Variants in SPAG16 observed in about 807,000 individuals in gnomAD.
SPAG16 encodes the protein sperm-associated antigen 16 protein.
Under a neutral mutation model 80.4 loss-of-function variants are expected in SPAG16, and 86 were observed. That is an observed-to-expected ratio of 1.07 (90% CI 0.90 to 1.28). SPAG16 has a LOEUF of 1.28. Ranked by LOEUF, SPAG16 falls within the 50% of genes most tolerant of loss-of-function variation. The probability of loss-of-function intolerance (pLI) is 0.00; values close to 1 mark genes in which losing one functional copy is unlikely to be tolerated. For missense variants in SPAG16, 870 were observed against 765.3 expected (o/e 1.14, Z -1.61); for synonymous variants, 294 against 265.9 (o/e 1.11, Z -1.03).
chr2:213,901,607 C>G lies in SPAG16; in HGVS notation c.1215-28353C>G, dbSNP rs562955273. On this transcript the variant is annotated intron_variant, in intron 11 of 15. Transcript: ENST00000331683. ...TGCCTTCTAATTCTCAATATTTAGT[C>G]CAAAGAAAACATGTAAACTTGTACA... Among the ~76,000 whole-genome samples, 6 of 151,924 alleles carry G rather than the reference C, an allele frequency of 3.9e-5. 1 individual carries two copies. In the South Asian group the frequency reaches 1.2e-3, roughly 32 times the overall value.
chr2:214,402,228 G>A (rs1342776022), intron 15 of SPAG16, among the ~76,000 whole-genome samples: 13 of 151,784 alleles, frequency 8.6e-5, no homozygotes, highest in Admixed American at 8.5e-4. Flanking sequence ...ACATCATTTG[G>A]CCAGTTAATA....
At chr2:214,069,659 A>G (rs538530074) in intron 13 of SPAG16, among the ~76,000 whole-genome samples, 4 of 152,254 alleles carry the variant, frequency 2.6e-5, no homozygotes, top group African/African-American at 9.6e-5. Context: ...GAGGAACATG[A>G]TAAATGAGGT....
chr2:214,167,896 T>A (rs2056722361), intron 15 of SPAG16, among the ~76,000 whole-genome samples: 1 of 151,654 alleles, frequency 6.6e-6, no homozygotes, highest in African/African-American at 2.4e-5. Flanking sequence ...GTTTTGAATC[T>A]AGATTCTACC....
intron 10 of SPAG16, among the ~76,000 whole-genome samples, chr2:213,757,180 TC>T (rs1299675525): frequency 2.0e-5 from 3 of 152,154 alleles, no homozygotes; most frequent in Admixed American, 2.0e-4. Context: ...AAAGACTTGT[TC>T]TCTGAAAACT....
intron 12 of SPAG16, among the ~76,000 whole-genome samples, chr2:213,998,324 T>TG (rs1200679690): frequency 6.6e-6 from 1 of 152,174 alleles, no homozygotes; most frequent in African/African-American, 2.4e-5. Flanking sequence ...ATTTGAATCA[T>TG]GGGGGTGGTT....
At chr2:213,630,373 G>T (rs2062104371) in intron 10 of SPAG16, among the ~76,000 whole-genome samples, 1 of 146,982 alleles carries the variant, frequency 6.8e-6, no homozygotes, top group African/African-American at 2.5e-5. Flanking sequence ...GACAGAGCAA[G>T]ACTCCATCTC....
intron 10 of SPAG16, among the ~76,000 whole-genome samples, chr2:213,585,906 T>G (rs2060455628): frequency 6.6e-6 from 1 of 152,222 alleles, no homozygotes. Flanking sequence ...TAAAAGGGAC[T>G]GCTTTTGAAA....
chr2:214,181,242 A>T lies in SPAG16; in HGVS notation c.1720+31976A>T, dbSNP rs568931287. Among the ~76,000 whole-genome samples the T allele has an allele frequency of 4.0e-5, 6 of 151,820 alleles. No homozygotes were observed. In the East Asian group the frequency reaches 1.2e-3, roughly 29 times the overall value. On this transcript the variant is annotated intron_variant, in intron 15 of 15. Transcript: ENST00000331683. ...ATCTAACATGAGAAATGTGATTTTTATATTTTCAATTTGTGTCCCTCTCTG... is the reference window on the plus strand; with the variant it reads ...ATCTAACATGAGAAATGTGATTTTTTTATTTTCAATTTGTGTCCCTCTCTG...
chr2:214,295,931 T>C (rs557994375), intron 15 of SPAG16, among the ~76,000 whole-genome samples: 1 of 152,352 alleles, frequency 6.6e-6, no homozygotes, highest in South Asian at 2.1e-4. Context: ...AGGGGATATA[T>C]GTGCATGTTT....
chr2:214,032,403 A>T (rs2048459955), intron 13 of SPAG16, among the ~76,000 whole-genome samples: 1 of 152,354 alleles, frequency 6.6e-6, no homozygotes, highest in East Asian at 1.9e-4. Flanking sequence ...CTGTTTCCAT[A>T]ATTAATCATT....
intron 10 of SPAG16, among the ~76,000 whole-genome samples, chr2:213,812,939 T>C (rs2072270531): frequency 6.6e-6 from 1 of 152,168 alleles, no homozygotes. Flanking sequence ...GAATAGGATT[T>C]TTAAAAGATT....
intron 14 of SPAG16, among the ~76,000 whole-genome samples, chr2:214,122,115 T>G (rs2054250038): frequency 6.6e-6 from 1 of 151,778 alleles, no homozygotes. Context: ...ATAATTTAAT[T>G]TTCTATAACA....
intron 10 of SPAG16, among the ~76,000 whole-genome samples, chr2:213,848,812 C>T (rs544232470): frequency 6.6e-6 from 1 of 152,252 alleles, no homozygotes; most frequent in South Asian, 2.1e-4. Flanking sequence ...GAGTGCCAAA[C>T]CCAGACATTT....
chr2:213,391,853 G>A (rs2067771147), intron 9 of SPAG16, among the ~76,000 whole-genome samples: 1 of 152,100 alleles, frequency 6.6e-6, no homozygotes, highest in African/African-American at 2.4e-5. Flanking sequence ...TGTGAGTATA[G>A]TTTCCCTGTT....
intron 12 of SPAG16, among the ~76,000 whole-genome samples, chr2:213,968,155 C>CCTCCT (rs2106371291): frequency 9.2e-6 from 1 of 108,496 alleles, no homozygotes; most frequent in South Asian, 3.7e-4. Flanking sequence ...TCTCTTCTCT[C>CCTCCT]CTCTTCTCTT....
chr2:213,464,629 A>G (rs1411792471), intron 9 of SPAG16, among the ~76,000 whole-genome samples: 1 of 152,212 alleles, frequency 6.6e-6, no homozygotes, highest in Non-Finnish European at 1.5e-5. Flanking sequence ...GATGAAATCC[A>G]TTTGCCAGTC....
intron 10 of SPAG16, among the ~76,000 whole-genome samples, chr2:213,567,309 G>A (rs1656785359): frequency 1.5e-5 from 2 of 133,224 alleles, no homozygotes; most frequent in Non-Finnish European, 3.1e-5. Context: ...GTATACATGT[G>A]CCATGCTGGT....
intron 4 of SPAG16, among the ~76,000 whole-genome samples, chr2:213,314,317 TC>T (rs1259840707): frequency 6.6e-6 from 1 of 151,804 alleles, no homozygotes; most frequent in African/African-American, 2.4e-5. Flanking sequence ...CAATCTTTTT[TC>T]CCACCTGAAC....
intron 6 of SPAG16, among the ~76,000 whole-genome samples, chr2:213,347,378 T>A (rs1273645069): frequency 6.6e-6 from 1 of 152,228 alleles, no homozygotes; most frequent in Non-Finnish European, 1.5e-5. Flanking sequence ...TTTGTGTCTC[T>A]ATTTCCTTCA....
Sources: allele counts gnomAD v4.1 joint callset (sites outside exome capture counted in the v4.1 genomes callset), GRCh38; gene constraint gnomAD v4.1.1; transcripts MANE v1.5; gene names NCBI Gene and HGNC (gene_info 2026-07-23, HGNC 2026-07-21).